NR2C2: variants seen among roughly 807,000 people sequenced by gnomAD.
NR2C2 encodes nuclear receptor subfamily 2 group C member 2, also known as Nuclear hormone receptor TR4.
Under a neutral mutation model 62.9 loss-of-function variants are expected in NR2C2, and 6 were observed. The observed-to-expected ratio is 0.10, with a 90% confidence interval of 0.05 to 0.19. The LOEUF (loss-of-function observed/expected upper bound fraction) is 0.19. Ranked by LOEUF, NR2C2 falls within the 10% of genes least tolerant of loss-of-function variation. NR2C2 has a pLI of 1.00. For synonymous variants in NR2C2, 272 were observed against 273.8 expected, an observed-to-expected ratio of 0.99 and a Z score of 0.07; for missense variants, 479 against 762.7, an observed-to-expected ratio of 0.63 and a Z score of 4.38.
chr3:15,011,210 G>A (rs569298705), intron 2 of NR2C2, among the ~76,000 whole-genome samples: 5 of 152,244 alleles, frequency 3.3e-5, no homozygotes, highest in African/African-American at 7.2e-5. Flanking sequence ...GTGGTGGCAC[G>A]CGCCTGTGGT....
rs2042398273 is a variant in NR2C2 at position 15,044,908 on chromosome 3, T to C, written c.*1900T>C. On this transcript the variant is annotated 3_prime_UTR_variant, in exon 14 of 14. Transcript: ENST00000425241. ...GGAACAGTGTTTCCAACTTCTAAAT[T>C]CTTGTTTGGATTTAATTATATCATT... is the stretch of plus-strand genomic sequence containing the variant. 1 of 152,224 alleles carries C rather than the reference T, an allele frequency of 6.6e-6. No individual in the cohort carries two copies. The highest frequency in any genetic ancestry group is 2.1e-4 in the South Asian group (1 of 4,826). The allele number at this position is 152,224 out of a possible 1,614,324, so 9.4% of individuals were successfully genotyped here.
In NR2C2 at chr3:15,047,149, C is replaced by T. The variant is rs1033009544; in HGVS notation, c.*4141C>T. On this transcript the variant is annotated 3_prime_UTR_variant, in exon 14 of 14. Coordinates refer to ENST00000425241, the MANE Select transcript of NR2C2 (RefSeq NM_001291694.2). The stretch of plus-strand genomic sequence containing the variant: ...TTATGTATACAGACATGTATCCAAA[C>T]TTTCCTTTAAAGAGAGTTTTTCATA... The T allele has an allele frequency of 6.6e-6, 1 of 152,656 alleles. No homozygotes were observed. The highest frequency in any genetic ancestry group is 1.5e-5 in the Non-Finnish European group (1 of 68,046). The allele number at this position is 152,656 out of a possible 1,614,324, so 9.5% of individuals were successfully genotyped here. A position where few individuals can be genotyped will look rare whatever the true frequency, so the allele number is the denominator to read the frequency against.
intron 1 of NR2C2, among the ~76,000 whole-genome samples, chr3:14,983,462 T>TACACACACACACACACAC (rs34788861): frequency 6.8e-6 from 1 of 146,778 alleles, no homozygotes; most frequent in East Asian, 2.0e-4. Context: ...ATACTCTTTA[T>TACACACACACACACACAC]ACACACACAC....
chr3:14,998,825 A>G (rs2040904047), intron 1 of NR2C2, among the ~76,000 whole-genome samples: 1 of 152,148 alleles, frequency 6.6e-6, no homozygotes, highest in South Asian at 2.1e-4. Flanking sequence ...AGCCTGGGCA[A>G]CATAGGGAGA....
chr3:15,005,863 A>G (rs1051319602), intron 2 of NR2C2, among the ~76,000 whole-genome samples: 1 of 151,658 alleles, frequency 6.6e-6, no homozygotes, highest in Non-Finnish European at 1.5e-5. Context: ...TCATTGGTGG[A>G]TGTGGATCAA....
At chr3:14,999,330 A>C (rs1574982430) in intron 1 of NR2C2, among the ~76,000 whole-genome samples, 3 of 152,112 alleles carry the variant, frequency 2.0e-5, no homozygotes, top group South Asian at 2.1e-4. Flanking sequence ...AACAAACAAA[A>C]AAAATTTAAA....
chr3:14,959,700 C>G (rs1338479551), intron 1 of NR2C2: 1 of 152,054 alleles, frequency 6.6e-6, no homozygotes, highest in Admixed American at 6.6e-5. Context: ...TAAAGAGAGG[C>G]GTTTAAGATG....
intron 1 of NR2C2, among the ~76,000 whole-genome samples, chr3:14,949,303 C>T (rs1023493829): frequency 1.3e-5 from 2 of 152,182 alleles, no homozygotes; most frequent in Non-Finnish European, 2.9e-5. Flanking sequence ...GGTGGCCTCT[C>T]TGAGTAAGTG....
At chr3:15,023,164 T>G (rs2041725336) in intron 5 of NR2C2, 36 bp from the exon 6 acceptor site, 1 of 1,608,402 alleles carries the variant, frequency 6.2e-7, no homozygotes, top group Non-Finnish European at 8.5e-7. Context: ...ATTGGAATTG[T>G]TTCTCTAAAC....
Position 15,016,160 on chromosome 3 carries a change from G to T in NR2C2, c.282G>T (p.Thr94=). The T allele has an allele frequency of 6.2e-7, 1 of 1,613,614 alleles. No individual in the cohort carries two copies. The highest frequency in any genetic ancestry group is 8.5e-7 in the Non-Finnish European group (1 of 1,179,590). The change falls in exon 4 of 14, where the codon ACG becomes ACT. Residue 94 remains threonine, a synonymous_variant. Coordinates refer to ENST00000425241, the MANE Select transcript of NR2C2 (RefSeq NM_001291694.2). ...NLVPGRIQIV[T]DSASVERLLG... is the part of the protein sequence containing the mutation. ...TTCCTGATTTCTCTCAGATTGTCAC[G>T]GATTCTGCCTCTGTGGAGCGTTTAC...
At chr3:14,967,835 A>G (rs1253364430) in intron 1 of NR2C2, among the ~76,000 whole-genome samples, 3 of 152,212 alleles carry the variant, frequency 2.0e-5, no homozygotes, top group Non-Finnish European at 4.4e-5. Flanking sequence ...ATAATGCCGC[A>G]TATCTACAAC....
At position 15,036,198 on chromosome 3, in the gene NR2C2, C is replaced by CA. The variant is rs983010127; in HGVS notation, c.1372+1399dup. On this transcript the variant is annotated intron_variant, in intron 11 of 13. Coordinates refer to ENST00000425241, the MANE Select transcript of NR2C2 (RefSeq NM_001291694.2). ...GAGCGAAACTATTTCAAAACAAAAA[C>CA]AAAAAAAAAACTAGGGCACAAACCT... 4.7e-4 allele frequency among the ~76,000 whole-genome samples: 70 copies of CA among 148,182 alleles called. No homozygotes were observed. In the East Asian group the frequency reaches 7.6e-3, roughly 16 times the overall value.
intron 1 of NR2C2, among the ~76,000 whole-genome samples, chr3:14,974,206 T>C (rs2040135350): frequency 6.6e-6 from 1 of 152,224 alleles, no homozygotes; most frequent in African/African-American, 2.4e-5. Flanking sequence ...ACTGGTTTAT[T>C]TCACTTAGCA....
intron 1 of NR2C2, among the ~76,000 whole-genome samples, chr3:14,978,011 G>A (rs1001547447): frequency 8.6e-5 from 13 of 150,612 alleles, no homozygotes; most frequent in Admixed American, 4.6e-4. Context: ...AGGGAAATAT[G>A]ATCATGCCAT....
At chr3:14,953,431 C>T (rs2039428316) in intron 1 of NR2C2, among the ~76,000 whole-genome samples, 1 of 152,212 alleles carries the variant, frequency 6.6e-6, no homozygotes, top group South Asian at 2.1e-4. Context: ...GGGGTGACTG[C>T]TGCTGAAAAG....
rs118085954 is a variant in NR2C2, at chr3:15,012,034, C to T, written c.73-1555C>T. ...TGATGGTGGGACCTTTTTTTGTTCA[C>T]GTCCCTATTCCTAGTACCTAGAACA... On this transcript the variant is annotated intron_variant, in intron 2 of 13. Transcript: ENST00000425241. Among the ~76,000 whole-genome samples, 5 of 152,284 alleles carry T rather than the reference C, an allele frequency of 3.3e-5. No individual in the cohort carries two copies. The East Asian group carries it at 5.8e-4, about 18-fold the overall frequency.
chr3:15,024,746 G>A (rs920840522), intron 7 of NR2C2, among the ~76,000 whole-genome samples: 1 of 152,166 alleles, frequency 6.6e-6, no homozygotes, highest in African/African-American at 2.4e-5. Context: ...TTTTTTCCAG[G>A]CCAGGGAACT....
intron 1 of NR2C2, among the ~76,000 whole-genome samples, chr3:14,994,733 A>G (rs1105922): frequency 0.44 from 63,063 of 143,974 alleles, 16,004 homozygotes; most frequent in African/African-American, 0.71. Context: ...GAGCTGCCAC[A>G]CCCAACCTAT....
intron 1 of NR2C2, among the ~76,000 whole-genome samples, chr3:14,997,559 C>G (rs959232842): frequency 6.6e-6 from 1 of 152,150 alleles, no homozygotes; most frequent in African/African-American, 2.4e-5. Context: ...GGAGACATAC[C>G]TTGCAGGATC....
Sources: gnomAD v4.1 joint callset for allele counts (sites outside exome capture counted in the v4.1 genomes callset) on GRCh38, gnomAD v4.1.1 for gene constraint, MANE v1.5 for transcripts, NCBI Gene and HGNC (gene_info 2026-07-23, HGNC 2026-07-21) for gene names.